NTRK2: variants seen among roughly 807,000 people sequenced by gnomAD.
The protein encoded by NTRK2 is BDNF/NT-3 growth factors receptor.
NTRK2 carries 13 observed loss-of-function variants against 94.5 expected under a neutral mutation model. The observed-to-expected ratio is 0.14, with a 90% CI of 0.09 to 0.22. NTRK2 has a LOEUF of 0.22. NTRK2 is among the 10% of genes least tolerant of loss of function. The pLI, the probability that NTRK2 is intolerant of heterozygous loss-of-function variation, is 1.00. For missense variants in NTRK2, 639 were observed against 1,071.2 expected (o/e 0.60, Z 5.63); for synonymous variants, 372 against 407.4 (o/e 0.91, Z 1.05).
At chr9:84,824,161 G>T (rs2073035825) in intron 12 of NTRK2, among the ~76,000 whole-genome samples, 1 of 152,176 alleles carries the variant, frequency 6.6e-6, no homozygotes, top group Admixed American at 6.5e-5. Flanking sequence ...TTAGCTGCAG[G>T]TTGCAACAGG....
At chr9:84,805,397 C>T (rs1449558998) in intron 12 of NTRK2, among the ~76,000 whole-genome samples, 25 of 152,122 alleles carry the variant, frequency 1.6e-4, no homozygotes, top group Non-Finnish European at 2.9e-5. Context: ...TAGAATAAAC[C>T]AAGTCTAGCA....
At position 84,814,374 on chromosome 9, in the gene NTRK2, C is replaced by T. The variant is rs1588784467; in HGVS notation, c.1397-46666C>T. The stretch of plus-strand genomic sequence containing the variant: ...GTTTCACGCCAGGTGCGAGAGAGAG[C>T]ATAATGGAGGGAAGCCCGCTTTCTC... On this transcript the variant is annotated intron_variant, in intron 12 of 18. Transcript: ENST00000277120. The T allele has an allele frequency of 3.8e-6, 4 of 1,065,232 alleles. No homozygotes were observed. The South Asian group carries it at 1.4e-4, about 36-fold the overall frequency. 66.0% of individuals were successfully genotyped at this position (1,065,232 alleles called of 1,614,324 possible). A position where few individuals can be genotyped will look rare whatever the true frequency, so the allele number is the denominator to read the frequency against.
intron 12 of NTRK2, among the ~76,000 whole-genome samples, chr9:84,765,057 G>A (rs1378643531): frequency 6.6e-6 from 1 of 152,204 alleles, no homozygotes. Flanking sequence ...CAGAGGCTGG[G>A]AAGGGTAGTG....
At chr9:84,753,497 T>C (rs1161284847) in intron 12 of NTRK2, among the ~76,000 whole-genome samples, 1 of 152,144 alleles carries the variant, frequency 6.6e-6, no homozygotes, top group Non-Finnish European at 1.5e-5. Flanking sequence ...TACACAACAG[T>C]GTAGGGAATC....
intron 12 of NTRK2, among the ~76,000 whole-genome samples, chr9:84,787,811 G>A (rs766621374): frequency 6.6e-6 from 1 of 152,166 alleles, no homozygotes; most frequent in Non-Finnish European, 1.5e-5. Flanking sequence ...CCCTTGGTAT[G>A]GTGGGCAATA....
At chr9:84,845,248 T>TAC (rs1491253305) in intron 12 of NTRK2, among the ~76,000 whole-genome samples, 9 of 87,368 alleles carry the variant, frequency 1.0e-4, no homozygotes, top group African/African-American at 5.1e-4. Flanking sequence ...AAATGTGGTG[T>TAC]ATACACACAC....
At chr9:84,689,750 T>C (rs1364542831) in intron 2 of NTRK2, among the ~76,000 whole-genome samples, 1 of 152,162 alleles carries the variant, frequency 6.6e-6, no homozygotes, top group Non-Finnish European at 1.5e-5. Flanking sequence ...CCTGGAATAA[T>C]TGAAACTCTG....
In NTRK2 at chr9:84,861,032, G is replaced by C. The variant is rs2075315007; in HGVS notation, c.1397-8G>C. On this transcript the variant is annotated splice_polypyrimidine_tract_variant and splice_region_variant and intron_variant, in intron 12 of 18. Transcript: ENST00000277120. ...GAAGTTTATTTTATGTTTTGTTGTG[G>C]TTTTCAGATTTCTCATGGTTTGGAT... 1 of 1,612,772 alleles carries C rather than the reference G, an allele frequency of 6.2e-7. No homozygotes were observed. Among genetic ancestry groups the C allele is most frequent in the African/African-American group, 1.3e-5 (1 of 74,784 alleles).
intron 12 of NTRK2, among the ~76,000 whole-genome samples, chr9:84,767,311 A>T (rs888786886): frequency 1.3e-5 from 2 of 152,220 alleles, no homozygotes; most frequent in Non-Finnish European, 2.9e-5. Flanking sequence ...CCTCCTCACA[A>T]TGGTTAAACA....
At chr9:84,895,834 T>A (rs1206493997) in intron 14 of NTRK2, among the ~76,000 whole-genome samples, 5 of 152,334 alleles carry the variant, frequency 3.3e-5, no homozygotes, top group Admixed American at 3.3e-4. Flanking sequence ...TAGGGAATTA[T>A]TACCTAGCAA....
Position 84,906,272 on chromosome 9 carries a change from G to GGAAGAAAT in NTRK2, c.1634-27887_1634-27880dup, listed in dbSNP as rs201206854. On this transcript the variant is annotated intron_variant, in intron 14 of 18. Coordinates refer to ENST00000277120, the MANE Select transcript of NTRK2 (RefSeq NM_006180.6). ...AGCAGCAAGGAGATGAGGAAAAAGG[G>GGAAGAAAT]GAAGAAATGAGAGAACTAGTGTCAC... 3.4e-3 allele frequency among the ~76,000 whole-genome samples: 525 copies of GGAAGAAAT among 152,280 alleles called. 7 individuals carry two copies. The East Asian group carries it at 0.035, about 10-fold the overall frequency.
chr9:84,961,254 C>A (rs1048193197), intron 17 of NTRK2, among the ~76,000 whole-genome samples: 9 of 152,286 alleles, frequency 5.9e-5, no homozygotes, highest in Non-Finnish European at 1.2e-4. Context: ...TTGCATGGAT[C>A]ATTTTCTTAT....
At chr9:84,873,707 C>T (rs928288567) in intron 14 of NTRK2, 3 of 1,055,820 alleles carry the variant, frequency 2.8e-6, no homozygotes, top group Non-Finnish European at 2.3e-6. Context: ...GTTAGCAAAC[C>T]AGTTTCAAGC....
In NTRK2 at chr9:84,867,382, A is replaced by C. The variant is rs2132060042; in HGVS notation, c.1584A>C (p.Glu528Asp). 6.2e-7 allele frequency: 1 copy of C among 1,614,078 alleles called. No individual in the cohort carries two copies. Among genetic ancestry groups the C allele is most frequent in the Non-Finnish European group, 8.5e-7 (1 of 1,179,966 alleles). ...IIGMTKIPVI[E>D]NPQYFGITNS... ...GAATGACCAAGATCCCTGTCATTGA[A>C]AATCCCCAGTACTTTGGCATCACCA... Residue 528 changes from glutamate to aspartate, a missense_variant, in exon 14 of 19, where the codon GAA becomes GAC. Glu to Asp is a conservative substitution (Grantham distance 45). Transcript: ENST00000277120.
intron 12 of NTRK2, among the ~76,000 whole-genome samples, chr9:84,792,997 A>G (rs568481880): frequency 2.0e-5 from 3 of 152,292 alleles, no homozygotes; most frequent in African/African-American, 4.8e-5. Flanking sequence ...CATCACCATC[A>G]TCACCATCAT....
At chr9:84,746,528 T>C (rs1049198996) in intron 11 of NTRK2, among the ~76,000 whole-genome samples, 1 of 152,176 alleles carries the variant, frequency 6.6e-6, no homozygotes, top group African/African-American at 2.4e-5. Flanking sequence ...TCAGATCATT[T>C]TTTTTGTTGT....
intron 12 of NTRK2, chr9:84,813,528 C>T (rs2072045076): frequency 9.4e-7 from 1 of 1,065,272 alleles, no homozygotes; most frequent in Non-Finnish European, 1.1e-6. Flanking sequence ...CCATTGAGGG[C>T]TTTGTTACCA....
At chr9:84,679,108 C>T (rs984649387) in intron 2 of NTRK2, among the ~76,000 whole-genome samples, 1 of 152,146 alleles carries the variant, frequency 6.6e-6, no homozygotes, top group African/African-American at 2.4e-5. Context: ...AGATATGAAA[C>T]CTCCCAGAAC....
At chr9:84,702,263 T>C in intron 3 of NTRK2, 30 bp downstream of exon 3, 1 of 1,612,816 alleles carries the variant, frequency 6.2e-7, no homozygotes, top group Non-Finnish European at 8.5e-7. Context: ...GCACATTATC[T>C]CAGAGAATTT....
Sources: allele counts gnomAD v4.1 joint callset (sites outside exome capture counted in the v4.1 genomes callset), GRCh38; gene constraint gnomAD v4.1.1; transcripts MANE v1.5; gene names NCBI Gene and HGNC (gene_info 2026-07-23, HGNC 2026-07-21).